The following CELF6 variants were observed in gnomAD, a reference collection of about 807,000 sequenced individuals.
The protein encoded by CELF6 is CUGBP Elav-like family member 6.
In CELF6, 32 loss-of-function variants were observed where a neutral mutation model predicts 53.1. That is an observed-to-expected ratio of 0.60 (90% CI 0.46 to 0.81). The LOEUF (loss-of-function observed/expected upper bound fraction) is 0.81, where lower values mean the gene tolerates loss of function less well. Ranked by LOEUF, CELF6 falls within the 30% of genes least tolerant of loss-of-function variation. The pLI is 0.00. For synonymous variants in CELF6, 291 were observed against 288.8 expected (o/e 1.01, Z -0.08); for missense variants, 539 against 669.5 (o/e 0.81, Z 2.15).
chr15:72,304,739 A>C lies in CELF6; in HGVS notation c.394+7T>G, dbSNP rs766904848. The C allele has an allele frequency of 1.2e-6, 2 of 1,613,972 alleles. No homozygotes were observed. The highest frequency in any genetic ancestry group is 1.1e-5 in the South Asian group (1 of 91,074). ...GCAGCCTGAGGTTGGTCAGACAGGGAAGTTACCTCCTCGGCCCTCACTGGC... is the reference window on the plus strand; with the variant it reads ...GCAGCCTGAGGTTGGTCAGACAGGGCAGTTACCTCCTCGGCCCTCACTGGC... On this transcript the variant is annotated splice_region_variant and intron_variant, in intron 3 of 12. Coordinates refer to ENST00000287202, the MANE Select transcript of CELF6 (RefSeq NM_052840.5).
Position 72,288,683 on chromosome 15 carries a change from G to T in CELF6, c.1094-65C>A. On this transcript the variant is annotated intron_variant, in intron 9 of 12. Coordinates refer to ENST00000287202, the MANE Select transcript of CELF6 (RefSeq NM_052840.5). This position sits in a 1 kb window ranked among gnomAD's most constrained non-coding sequence, Gnocchi z 4.6. ...CCCTTCCCCAAGCAGGGCCCCAACT[G>T]CCTGGCCGCTTTTGACCAATTCAGC... The T allele has an allele frequency of 6.7e-7, 1 of 1,488,318 alleles. No homozygotes were observed. The highest frequency in any genetic ancestry group is 9.2e-7 in the Non-Finnish European group (1 of 1,091,406). The allele number at this position is 1,488,318 out of a possible 1,614,324, so 92.2% of individuals were successfully genotyped here.
chr15:72,290,414 G>A (rs946056550), intron 3 of CELF6, among the ~76,000 whole-genome samples, 159 bp from the exon 4 acceptor site: 2 of 152,152 alleles, frequency 1.3e-5, no homozygotes, highest in Non-Finnish European at 2.9e-5. Context: ...TTGAGGGGCA[G>A]GATCTGGGGA....
At position 72,287,129 on chromosome 15, in the gene CELF6, A is replaced by G. The variant is rs2087932398; in HGVS notation, c.*28+108T>C. On this transcript the variant is annotated intron_variant, in intron 12 of 12. Transcript: ENST00000287202. ...AGCTCCTGGCTCTTCTCTCTATCCC[A>G]GACTTTCTCAGAGGTGGGTGCCTCC... The G allele has an allele frequency of 2.9e-6, 3 of 1,026,396 alleles. No individual in the cohort carries two copies. In the African/African-American group the frequency reaches 4.8e-5, roughly 16 times the overall value. The allele number at this position is 1,026,396 out of a possible 1,614,324, so 63.6% of individuals were successfully genotyped here.
At chr15:72,309,675 T>C (rs1310691473) in intron 2 of CELF6, among the ~76,000 whole-genome samples, 1 of 152,182 alleles carries the variant, frequency 6.6e-6, no homozygotes, top group Admixed American at 6.5e-5. Flanking sequence ...GCTGCCCCCA[T>C]GAGCTTCCTG....
At chr15:72,305,084 T>C (rs2088208939) in intron 2 of CELF6, among the ~76,000 whole-genome samples, 1 of 152,186 alleles carries the variant, frequency 6.6e-6, no homozygotes, top group Non-Finnish European at 1.5e-5. Context: ...GCAGGGGCTA[T>C]GTGAGGCCTG....
chr15:72,297,966 T>C (rs901068446), intron 3 of CELF6, among the ~76,000 whole-genome samples: 2 of 152,204 alleles, frequency 1.3e-5, no homozygotes, highest in African/African-American at 4.8e-5. Context: ...AGAGTTAATG[T>C]GAGGAAAGGG....
chr15:72,313,484 A>AT (rs915578257), intron 2 of CELF6, among the ~76,000 whole-genome samples: 2 of 152,020 alleles, frequency 1.3e-5, no homozygotes, highest in African/African-American at 2.4e-5. Context: ...TGGAGGAGAG[A>AT]TTTTTTTCCT....
chr15:72,298,455 A>C (rs1042023338), intron 3 of CELF6, among the ~76,000 whole-genome samples: 2 of 152,242 alleles, frequency 1.3e-5, no homozygotes, highest in Non-Finnish European at 2.9e-5. Context: ...TAAAATCCTC[A>C]GAGAATGTTT....
intron 12 of CELF6, among the ~76,000 whole-genome samples, chr15:72,286,650 A>G (rs565763529): frequency 8.9e-4 from 135 of 152,362 alleles, no homozygotes; most frequent in African/African-American, 3.0e-3. Flanking sequence ...TGCAGGCAGC[A>G]TCCTATGGAC....
intron 2 of CELF6, among the ~76,000 whole-genome samples, chr15:72,311,405 CTTT>C (rs531976963): frequency 1.4e-5 from 2 of 138,568 alleles, no homozygotes; most frequent in Non-Finnish European, 3.1e-5. Context: ...CACCTTTTTT[CTTT>C]TTTTTTTTTT....
At chr15:72,291,930 G>T (rs971895608) in intron 3 of CELF6, among the ~76,000 whole-genome samples, 1 of 152,250 alleles carries the variant, frequency 6.6e-6, no homozygotes, top group Non-Finnish European at 1.5e-5. Context: ...CTTCTGTGGT[G>T]AGAGTACAAC....
chr15:72,312,760 T>C (rs2088314383), intron 2 of CELF6, among the ~76,000 whole-genome samples: 1 of 152,218 alleles, frequency 6.6e-6, no homozygotes, highest in African/African-American at 2.4e-5. Context: ...GGAATTCAGA[T>C]TAAAGTCTTG....
chr15:72,289,964 C>T lies in CELF6; in HGVS notation c.578G>A (p.Gly193Asp), dbSNP rs760595545. Reference protein sequence around the residue: ...SQGEAQAAIRGLHGSRTMAGA... With the variant: ...SQGEAQAAIRDLHGSRTMAGA... Reference sequence around the variant, plus strand: ...CGCCATGGTCCGGCTGCCGTGCAGACCCCGGATGGCCGCCTGAGCTTCCCC... The same window carrying T: ...CGCCATGGTCCGGCTGCCGTGCAGATCCCGGATGGCCGCCTGAGCTTCCCC... The change falls in exon 5 of 13, where the codon GGT becomes GAT. Residue 193 changes from glycine (G) to aspartate (D), a missense_variant. Physicochemically the swap from Gly to Asp is moderately conservative, Grantham distance 94. Coordinates refer to ENST00000287202, the MANE Select transcript of CELF6 (RefSeq NM_052840.5). This position sits in a 1 kb window ranked among gnomAD's most constrained non-coding sequence, Gnocchi z 7.6. 7.6e-6 allele frequency: 12 copies of T among 1,580,020 alleles called. No individual in the cohort carries two copies. The highest frequency in any genetic ancestry group is 1.0e-5 in the Non-Finnish European group (12 of 1,163,540).
chr15:72,308,502 C>T lies in CELF6; in HGVS notation c.346-3708G>A, dbSNP rs529962296. Among the ~76,000 whole-genome samples the T allele has an allele frequency of 2.0e-5, 3 of 152,238 alleles. No individual in the cohort carries two copies. The East Asian group carries it at 5.8e-4, about 29-fold the overall frequency. On this transcript the variant is annotated intron_variant, in intron 2 of 12. Coordinates refer to ENST00000287202, the MANE Select transcript of CELF6 (RefSeq NM_052840.5). ...TCGGCCTCCCAAAGTGCTGGGATTA[C>T]AGGTGTGAGCCACCGCACCTGGCCG...
Position 72,286,287 on chromosome 15 carries a change from A to T in CELF6, c.*84T>A, listed in dbSNP as rs556079632. ...TCCGTCCGCAGCTGCTCCTTCGGGA[A>T]GGGCTGCTCAAGCGTTTCTGTGCTT... On this transcript the variant is annotated 3_prime_UTR_variant, in exon 13 of 13. Transcript: ENST00000287202. 1 of 152,874 alleles carries T rather than the reference A, an allele frequency of 6.5e-6. No individual in the cohort carries two copies. The highest frequency in any genetic ancestry group is 1.5e-5 in the Non-Finnish European group (1 of 68,078). The allele number at this position is 152,874 out of a possible 1,614,324, so 9.5% of individuals were successfully genotyped here.
At chr15:72,315,388 C>T (rs2088349871) in intron 2 of CELF6, among the ~76,000 whole-genome samples, 2 of 152,162 alleles carry the variant, frequency 1.3e-5, no homozygotes, top group Admixed American at 1.3e-4. Flanking sequence ...GGAGGGAAGA[C>T]AATCTTAGTG....
In CELF6 at chr15:72,307,921, C is replaced by T. The variant is rs149571200; in HGVS notation, c.346-3127G>A. Among the ~76,000 whole-genome samples the T allele has an allele frequency of 1.3e-3, 201 of 152,252 alleles. 3 individuals are homozygous for T. Among genetic ancestry groups the T allele is most frequent in the South Asian group, 2.3e-3 (11 of 4,824 alleles). On this transcript the variant is annotated intron_variant, in intron 2 of 12. Coordinates refer to ENST00000287202, the MANE Select transcript of CELF6 (RefSeq NM_052840.5). Reference sequence around the variant, plus strand: ...GAGAGGTAGGAGTGGTGGCTGAGCACGCTGAATGGCTAGGGTACGGACAGG... The same window carrying T: ...GAGAGGTAGGAGTGGTGGCTGAGCATGCTGAATGGCTAGGGTACGGACAGG...
At chr15:72,292,945 T>C (rs1011269368) in intron 3 of CELF6, among the ~76,000 whole-genome samples, 14 of 152,230 alleles carry the variant, frequency 9.2e-5, no homozygotes, top group Non-Finnish European at 1.5e-4. Flanking sequence ...GAAAATGGCT[T>C]GGACCTAGGA....
Position 72,315,696 on chromosome 15 carries a change from T to C in CELF6, c.345+149A>G, listed in dbSNP as rs141847058. On this transcript the variant is annotated intron_variant, in intron 2 of 12. Coordinates refer to ENST00000287202, the MANE Select transcript of CELF6 (RefSeq NM_052840.5). ...TTGGATGTAACAAAGAATTTGTTGC[T>C]GTTCAGGGTACAGGAAGCCCTCTCC... The C allele has an allele frequency of 9.0e-4, 422 of 471,298 alleles. 4 individuals carry two copies. In the East Asian group the frequency reaches 0.014, roughly 15 times the overall value. 29.2% of individuals were successfully genotyped at this position (471,298 alleles called of 1,614,324 possible).
Sources: gnomAD v4.1 joint callset for allele counts (sites outside exome capture counted in the v4.1 genomes callset) on GRCh38, gnomAD v4.1.1 for gene constraint, Gnocchi (gnomAD v3.1) non-coding constraint, MANE v1.5 for transcripts, NCBI Gene and HGNC (gene_info 2026-07-23, HGNC 2026-07-21) for gene names.